TEK: variants seen among roughly 807,000 people sequenced by gnomAD.
The protein encoded by TEK is angiopoietin-1 receptor.
In TEK, 43 loss-of-function variants were observed where a neutral mutation model predicts 131.8. That is an observed-to-expected ratio of 0.33 (90% CI 0.26 to 0.42). TEK has a LOEUF of 0.42. TEK is among the 10% of genes least tolerant of loss of function. The pLI is 1.00. For synonymous variants in TEK, 580 were observed against 491.6 expected (o/e 1.18, Z -2.38); for missense variants, 1,162 against 1,384.4 (o/e 0.84, Z 2.55).
Position 27,206,645 on chromosome 9 carries a change from A to C in TEK, c.2428A>C (p.Asn810His). 6.2e-7 allele frequency: 1 copy of C among 1,614,082 alleles called. No homozygotes were observed. Among genetic ancestry groups the C allele is most frequent in the Non-Finnish European group, 8.5e-7 (1 of 1,179,988 alleles). ...GGCCCTAAACAGGAAGGTCAAAAAC[A>C]ACCCAGATCCTACAATTTATCCAGT... The part of the protein sequence containing the change: ...TLALNRKVKN[N>H]PDPTIYPVLD... Residue 810 changes from asparagine to histidine, a missense_variant, in exon 15 of 23, where the codon AAC (asparagine) becomes CAC (histidine). Transcript: ENST00000380036.
chr9:27,225,738 G>T (rs1477806401), intron 21 of TEK, among the ~76,000 whole-genome samples: 2 of 152,148 alleles, frequency 1.3e-5, no homozygotes, highest in Non-Finnish European at 2.9e-5. Flanking sequence ...TTGACAAATG[G>T]GATCTAATTA....
At chr9:27,203,318 A>G (rs940620568) in intron 13 of TEK, among the ~76,000 whole-genome samples, 199 bp downstream of exon 13, 3 of 152,162 alleles carry the variant, frequency 2.0e-5, no homozygotes, top group African/African-American at 7.2e-5. Flanking sequence ...GAACCTTAGA[A>G]TAGATCAGTC....
intron 2 of TEK, among the ~76,000 whole-genome samples, chr9:27,163,636 G>A (rs551310280): frequency 5.9e-5 from 9 of 152,284 alleles, no homozygotes; most frequent in East Asian, 1.9e-4. Context: ...TAGGGGTGGA[G>A]GTCTTGAGTT....
Position 27,226,596 on chromosome 9 carries a change from G to A in TEK, c.3201-1610G>A, listed in dbSNP as rs113390316. Among the ~76,000 whole-genome samples the A allele has an allele frequency of 1.1e-4, 17 of 152,152 alleles. 1 individual carries two copies. Among genetic ancestry groups the A allele is most frequent in the African/African-American group, 3.9e-4 (16 of 41,508 alleles). ...ATCGGGGGGTGGGGGCTAGGGGAGGGATAGCATTAGGAGAAATACCTAATG... is the reference window on the plus strand; with the variant it reads ...ATCGGGGGGTGGGGGCTAGGGGAGGAATAGCATTAGGAGAAATACCTAATG... On this transcript the variant is annotated intron_variant, in intron 21 of 22. Coordinates refer to ENST00000380036, the MANE Select transcript of TEK (RefSeq NM_000459.5).
At chr9:27,133,099 C>T (rs374953727) in intron 1 of TEK, among the ~76,000 whole-genome samples, 1 of 152,180 alleles carries the variant, frequency 6.6e-6, no homozygotes. Context: ...CCGAAGCTGC[C>T]ATATTGTTAC....
At chr9:27,153,218 G>A (rs1823195814) in intron 1 of TEK, among the ~76,000 whole-genome samples, 1 of 152,178 alleles carries the variant, frequency 6.6e-6, no homozygotes, top group Non-Finnish European at 1.5e-5. Flanking sequence ...GGAGGCCGAG[G>A]CGGGTGGATC....
At chr9:27,218,224 G>A (rs991182389) in intron 19 of TEK, among the ~76,000 whole-genome samples, 7 of 143,436 alleles carry the variant, frequency 4.9e-5, no homozygotes, top group South Asian at 2.4e-4. Flanking sequence ...ATCTTGCCTT[G>A]TACCCCATTT....
chr9:27,113,262 C>T (rs921215165), intron 1 of TEK, among the ~76,000 whole-genome samples: 2 of 152,104 alleles, frequency 1.3e-5, no homozygotes, highest in African/African-American at 4.8e-5. Flanking sequence ...GTGATAATGC[C>T]TGTGAAATGC....
At chr9:27,128,923 A>G (rs894363634) in intron 1 of TEK, among the ~76,000 whole-genome samples, 2 of 152,190 alleles carry the variant, frequency 1.3e-5, no homozygotes, top group African/African-American at 2.4e-5. Flanking sequence ...TCATCTGCAA[A>G]CAGACAATTT....
rs138869661 is a variant in TEK at position 27,144,716 on chromosome 9, T to C, written c.53-13115T>C. On this transcript the variant is annotated intron_variant, in intron 1 of 22. Coordinates refer to ENST00000380036, the MANE Select transcript of TEK (RefSeq NM_000459.5). The stretch of plus-strand genomic sequence containing the variant: ...GCCTGGAAGACAATAGATTCCAAAA[T>C]TGTAGTAAAGCAATTCCTAAACTAA... 2.1e-3 allele frequency among the ~76,000 whole-genome samples: 314 copies of C among 152,206 alleles called. 2 individuals carry two copies. Among genetic ancestry groups the C allele is most frequent in the East Asian group, 8.5e-3 (44 of 5,166 alleles).
At chr9:27,208,206 TGAG>T (rs537167390) in intron 15 of TEK, among the ~76,000 whole-genome samples, 59 of 152,328 alleles carry the variant, frequency 3.9e-4, no homozygotes, top group African/African-American at 1.4e-3. Flanking sequence ...TGACCCTCCA[TGAG>T]GCTTCTGTAG....
intron 4 of TEK, among the ~76,000 whole-genome samples, chr9:27,171,406 G>A (rs1353425717): frequency 1.3e-5 from 2 of 152,178 alleles, no homozygotes; most frequent in Non-Finnish European, 1.5e-5. Context: ...GAATTGTGTT[G>A]GTGTTGAGAA....
chr9:27,115,264 T>C (rs1286268839), intron 1 of TEK, among the ~76,000 whole-genome samples: 1 of 152,162 alleles, frequency 6.6e-6, no homozygotes, highest in East Asian at 1.9e-4. Context: ...TTTGGGAGAC[T>C]GAGGCAGACA....
chr9:27,221,708 A>T (rs1329711620), intron 21 of TEK, among the ~76,000 whole-genome samples: 2 of 152,226 alleles, frequency 1.3e-5, no homozygotes, highest in Non-Finnish European at 1.5e-5. Context: ...AACAGAAAGG[A>T]ATAGTATCAA....
At chr9:27,228,624 C>T (rs1368846717) in intron 22 of TEK, among the ~76,000 whole-genome samples, 1 of 152,150 alleles carries the variant, frequency 6.6e-6, no homozygotes, top group East Asian at 1.9e-4. Flanking sequence ...AAGTGGGTGA[C>T]TTGACCAAGG....
chr9:27,193,262 G>C (rs373065559), intron 11 of TEK, among the ~76,000 whole-genome samples: 1 of 152,052 alleles, frequency 6.6e-6, no homozygotes, highest in East Asian at 1.9e-4. Context: ...TCAAACCTAA[G>C]TGTCCATCAG....
chr9:27,162,782 C>G (rs1010215379), intron 2 of TEK, among the ~76,000 whole-genome samples: 3 of 151,800 alleles, frequency 2.0e-5, no homozygotes, highest in African/African-American at 7.3e-5. Context: ...GTGGCGCGAT[C>G]TCGGCTCACT....
chr9:27,222,884 T>C (rs1285634611), intron 21 of TEK, among the ~76,000 whole-genome samples: 1 of 151,922 alleles, frequency 6.6e-6, no homozygotes, highest in Non-Finnish European at 1.5e-5. Context: ...CCATCTAACG[T>C]GCAAAGATAC....
At chr9:27,205,897 T>G (rs1472294730) in intron 14 of TEK, among the ~76,000 whole-genome samples, 1 of 152,196 alleles carries the variant, frequency 6.6e-6, no homozygotes, top group Non-Finnish European at 1.5e-5. Context: ...AACTTCACTA[T>G]CTGACTCCAT....
Sources: allele counts gnomAD v4.1 joint callset (sites outside exome capture counted in the v4.1 genomes callset), GRCh38; gene constraint gnomAD v4.1.1; transcripts MANE v1.5; gene names NCBI Gene and HGNC (gene_info 2026-07-23, HGNC 2026-07-21).